Variants in GRAMD1B observed in about 807,000 individuals in gnomAD.
GRAMD1B encodes protein Aster-B.
A neutral mutation model predicts 99.7 loss-of-function variants in GRAMD1B; 37 were observed. The observed-to-expected ratio is 0.37, with a 90% CI of 0.29 to 0.49. The LOEUF (loss-of-function observed/expected upper bound fraction) is 0.49, where lower values mean the gene tolerates loss of function less well. Ranked by LOEUF, GRAMD1B falls within the 20% of genes least tolerant of loss-of-function variation. The pLI is 0.98. For synonymous variants in GRAMD1B, 427 were observed against 387.6 expected, an observed-to-expected ratio of 1.10 and a Z score of -1.19; for missense variants, 888 against 1,009.2, an observed-to-expected ratio of 0.88 and a Z score of 1.63.
At chr11:123,391,450 G>GT (rs974026200) in intron 1 of GRAMD1B, among the ~76,000 whole-genome samples, 1 of 152,042 alleles carries the variant, frequency 6.6e-6, no homozygotes, top group Non-Finnish European at 1.5e-5. Context: ...ATTTTAGTTT[G>GT]TTTTTTGTTT....
At chr11:123,426,853 A>G (rs1948670959), upstream of GRAMD1B, among the ~76,000 whole-genome samples, 1 of 152,216 alleles carries the variant, frequency 6.6e-6, no homozygotes, top group South Asian at 2.1e-4. Context: ...TGGAAATTGA[A>G]TAATAATAGT....
intron 1 of GRAMD1B, among the ~76,000 whole-genome samples, chr11:123,391,797 T>A (rs1947291543): frequency 6.6e-6 from 1 of 152,190 alleles, no homozygotes; most frequent in Non-Finnish European, 1.5e-5. Flanking sequence ...ACTAAGCACT[T>A]ACAATGTACC....
intron 9 of GRAMD1B, among the ~76,000 whole-genome samples, 162 bp downstream of exon 9, chr11:123,603,703 G>T (rs1210092481): frequency 6.6e-6 from 1 of 152,248 alleles, no homozygotes; most frequent in Non-Finnish European, 1.5e-5. Flanking sequence ...AGCTCGAGGG[G>T]GCAGAGCCTA....
chr11:123,430,289 C>T lies in GRAMD1B; in HGVS notation c.-504C>T, dbSNP rs1379548404. ...TCTCTCTCTCTCTCTCTGTCTCTCTCTCCCTTTCCCTCCTACCACTGCCTC... is the reference window on the plus strand; with the variant it reads ...TCTCTCTCTCTCTCTCTGTCTCTCTTTCCCTTTCCCTCCTACCACTGCCTC... On this transcript the variant is annotated 5_prime_UTR_variant, in exon 1 of 20. Coordinates refer to ENST00000635736, the MANE Select transcript of GRAMD1B (RefSeq NM_001387025.1). 4 of 153,312 alleles carry T rather than the reference C, an allele frequency of 2.6e-5. No homozygotes were observed. Among genetic ancestry groups the T allele is most frequent in the African/African-American group, 9.7e-5 (4 of 41,270 alleles). The allele number at this position is 153,312 out of a possible 1,614,324, so 9.5% of individuals were successfully genotyped here. A position where few individuals can be genotyped will look rare whatever the true frequency, so the allele number is the denominator to read the frequency against.
At chr11:123,474,407 G>A (rs776224699) in intron 1 of GRAMD1B, among the ~76,000 whole-genome samples, 2 of 152,306 alleles carry the variant, frequency 1.3e-5, no homozygotes, top group East Asian at 1.9e-4. Flanking sequence ...GGACTAGAAT[G>A]TGCGTCTCTC....
chr11:123,397,372 A>G lies in GRAMD1B; in HGVS notation c.-176+38573A>G, dbSNP rs532788629. On this transcript the variant is annotated intron_variant, in intron 1 of 20. Coordinates refer to the GRAMD1B transcript ENST00000638157. ...CAGTGAGCTGAGATCATGCCATTGC[A>G]CTCCAGCCTGGGTGACAGAGCGAGA... is the stretch of plus-strand genomic sequence containing the variant. Among the ~76,000 whole-genome samples the G allele has an allele frequency of 6.6e-5, 10 of 152,198 alleles. No homozygotes were observed. In the South Asian group the frequency reaches 2.1e-3, roughly 32 times the overall value.
chr11:123,596,379 T>C (rs1448668417), intron 7 of GRAMD1B, among the ~76,000 whole-genome samples: 1 of 152,222 alleles, frequency 6.6e-6, no homozygotes, highest in African/African-American at 2.4e-5. Flanking sequence ...ATATCACATA[T>C]ATGAAAACAT....
intron 1 of GRAMD1B, among the ~76,000 whole-genome samples, chr11:123,413,572 A>G (rs1253913814): frequency 6.6e-6 from 1 of 152,124 alleles, no homozygotes; most frequent in Non-Finnish European, 1.5e-5. Context: ...CAGAGGAACT[A>G]CATGGGGTTT....
intron 1 of GRAMD1B, among the ~76,000 whole-genome samples, chr11:123,403,148 G>T (rs954032640): frequency 2.0e-5 from 3 of 152,060 alleles, no homozygotes; most frequent in Admixed American, 6.5e-5. Flanking sequence ...TCCTGGGCCG[G>T]GCACGGAGGC....
At chr11:123,588,320 G>A (rs532554478) in intron 4 of GRAMD1B, among the ~76,000 whole-genome samples, 17 of 152,146 alleles carry the variant, frequency 1.1e-4, no homozygotes, top group African/African-American at 3.4e-4. Flanking sequence ...GGGTCAATTC[G>A]TTCTCTGCTG....
At chr11:123,443,794 G>A (rs1445636732) in intron 1 of GRAMD1B, among the ~76,000 whole-genome samples, 2 of 152,154 alleles carry the variant, frequency 1.3e-5, no homozygotes, top group Non-Finnish European at 2.9e-5. Flanking sequence ...TATTGATCAG[G>A]CTGGTCTTGA....
chr11:123,413,561 C>A (rs1277326812), intron 1 of GRAMD1B, among the ~76,000 whole-genome samples: 1 of 151,816 alleles, frequency 6.6e-6, no homozygotes, highest in Non-Finnish European at 1.5e-5. Context: ...TGGGAAGGAA[C>A]CAGAGGAACT....
At chr11:123,528,604 A>G (rs1943035550) in intron 2 of GRAMD1B, among the ~76,000 whole-genome samples, 1 of 152,122 alleles carries the variant, frequency 6.6e-6, no homozygotes, top group Non-Finnish European at 1.5e-5. Flanking sequence ...ACAGCAGGGT[A>G]AGTTTCCCCA....
chr11:123,460,992 C>T (rs1950387314), intron 1 of GRAMD1B, among the ~76,000 whole-genome samples: 1 of 152,124 alleles, frequency 6.6e-6, no homozygotes, highest in African/African-American at 2.4e-5. Flanking sequence ...ACCTCGTGAC[C>T]TTTTGGAATT....
chr11:123,541,580 G>T (rs1286227078), intron 2 of GRAMD1B, among the ~76,000 whole-genome samples: 4 of 131,734 alleles, frequency 3.0e-5, no homozygotes, highest in Admixed American at 7.5e-5. Flanking sequence ...TTGTTGACTT[G>T]TTTGTCTTTT....
At chr11:123,569,635 A>C (rs1947833074) in intron 2 of GRAMD1B, among the ~76,000 whole-genome samples, 1 of 152,226 alleles carries the variant, frequency 6.6e-6, no homozygotes, top group Non-Finnish European at 1.5e-5. Context: ...CTCCTCTCTC[A>C]GCCACTTGAG....
intron 1 of GRAMD1B, among the ~76,000 whole-genome samples, chr11:123,479,927 C>T (rs886850898): frequency 4.6e-5 from 7 of 152,040 alleles, no homozygotes; most frequent in Admixed American, 2.0e-4. Context: ...CCTTAGCTCA[C>T]GGGGCTGAGC....
intron 1 of GRAMD1B, among the ~76,000 whole-genome samples, chr11:123,473,779 T>C (rs1269907257): frequency 6.6e-6 from 1 of 152,200 alleles, no homozygotes; most frequent in Non-Finnish European, 1.5e-5. Context: ...TAAGTGGTGT[T>C]TGAGGATATT....
At chr11:123,386,706 C>T (rs558390409) in intron 1 of GRAMD1B, among the ~76,000 whole-genome samples, 1 of 152,246 alleles carries the variant, frequency 6.6e-6, no homozygotes, top group South Asian at 2.1e-4. Context: ...GCCTCAGCCT[C>T]GCAAAGTGCT....
Sources: gnomAD v4.1 joint callset for allele counts (sites outside exome capture counted in the v4.1 genomes callset) on GRCh38, gnomAD v4.1.1 for gene constraint, MANE v1.5 for transcripts, NCBI Gene and HGNC (gene_info 2026-07-23, HGNC 2026-07-21) for gene names.